MOB3B: variants seen among roughly 807,000 people sequenced by gnomAD.
MOB3B encodes MOB kinase activator 3B.
A neutral mutation model predicts 18.7 loss-of-function variants in MOB3B; 7 were observed. The observed-to-expected ratio is 0.37, with a 90% CI of 0.21 to 0.70. The LOEUF (loss-of-function observed/expected upper bound fraction) is 0.70. Among genes scored for constraint, MOB3B ranks in the 30% least tolerant of loss-of-function variants. The probability of loss-of-function intolerance (pLI) is 0.52; values close to 1 mark genes in which losing one functional copy is unlikely to be tolerated. For synonymous variants in MOB3B, 111 were observed against 99.9 expected (o/e 1.11, Z -0.66); for missense variants, 253 against 281.3 (o/e 0.90, Z 0.72).
intron 1 of MOB3B, among the ~76,000 whole-genome samples, chr9:27,460,870 G>A (rs769331070): frequency 7.9e-5 from 12 of 152,156 alleles, no homozygotes; most frequent in Non-Finnish European, 1.0e-4. Flanking sequence ...AGTGAATTAC[G>A]AACATTTTAC....
intron 1 of MOB3B, among the ~76,000 whole-genome samples, chr9:27,470,389 A>G (rs1819453160): frequency 6.6e-6 from 1 of 152,162 alleles, no homozygotes; most frequent in Non-Finnish European, 1.5e-5. Flanking sequence ...TCGCTTGATC[A>G]ATCGGACAAC....
intron 2 of MOB3B, among the ~76,000 whole-genome samples, chr9:27,378,955 A>T (rs575978657): frequency 3.6e-4 from 55 of 152,240 alleles, no homozygotes; most frequent in African/African-American, 1.3e-3. Context: ...CTCTCTTTCC[A>T]CTGCTCTGTT....
intron 1 of MOB3B, among the ~76,000 whole-genome samples, chr9:27,464,928 T>G (rs900223751): frequency 2.0e-5 from 3 of 152,146 alleles, no homozygotes; most frequent in Non-Finnish European, 4.4e-5. Context: ...TGCCATAGCA[T>G]GTGAGAACTC....
intron 1 of MOB3B, among the ~76,000 whole-genome samples, chr9:27,499,704 A>G (rs1226986080): frequency 6.6e-6 from 1 of 151,964 alleles, no homozygotes; most frequent in East Asian, 1.9e-4. Flanking sequence ...CCATGCAACT[A>G]TCCCACCTTC....
intron 2 of MOB3B, among the ~76,000 whole-genome samples, chr9:27,385,489 A>G (rs1196464579): frequency 3.9e-5 from 6 of 152,050 alleles, no homozygotes; most frequent in African/African-American, 1.4e-4. Context: ...AGGGGTTGAG[A>G]GGGTGGGGTC....
At chr9:27,493,017 A>T (rs1819843916) in intron 1 of MOB3B, among the ~76,000 whole-genome samples, 1 of 152,246 alleles carries the variant, frequency 6.6e-6, no homozygotes, top group African/African-American at 2.4e-5. Flanking sequence ...TAGCAGCCAC[A>T]CTTGGCAAGC....
intron 1 of MOB3B, among the ~76,000 whole-genome samples, chr9:27,504,529 G>A (rs1468089406): frequency 6.6e-6 from 1 of 152,214 alleles, no homozygotes; most frequent in East Asian, 1.9e-4. Context: ...CTGCACATCT[G>A]AGCAGTAGAG....
At chr9:27,442,620 G>C (rs1190020419) in intron 2 of MOB3B, among the ~76,000 whole-genome samples, 1 of 152,196 alleles carries the variant, frequency 6.6e-6, no homozygotes, top group East Asian at 1.9e-4. Flanking sequence ...TTGGCTCCAA[G>C]GGACCTCCCC....
chr9:27,507,132 T>A (rs977447012), intron 1 of MOB3B, among the ~76,000 whole-genome samples: 2 of 152,184 alleles, frequency 1.3e-5, no homozygotes, highest in Non-Finnish European at 2.9e-5. Flanking sequence ...ATTTTTATCA[T>A]TGTGTCTATG....
intron 2 of MOB3B, among the ~76,000 whole-genome samples, chr9:27,361,192 A>T (rs1328206661): frequency 6.6e-6 from 1 of 152,220 alleles, no homozygotes. Flanking sequence ...TGTTTCATAG[A>T]TAAATAGCAC....
intron 1 of MOB3B, among the ~76,000 whole-genome samples, chr9:27,518,499 G>A (rs1820274235): frequency 6.6e-6 from 1 of 152,168 alleles, no homozygotes. Flanking sequence ...GGCTGTTCTG[G>A]TCATCCTAAA....
intron 3 of MOB3B, among the ~76,000 whole-genome samples, chr9:27,347,458 G>A (rs944257426): frequency 1.3e-5 from 2 of 152,246 alleles, no homozygotes; most frequent in African/African-American, 4.8e-5. Context: ...GTGATACTGG[G>A]GTTTGCATAA....
chr9:27,375,245 C>T (rs1821473854), intron 2 of MOB3B, among the ~76,000 whole-genome samples: 4 of 152,210 alleles, frequency 2.6e-5, no homozygotes, highest in Admixed American at 2.6e-4. Context: ...TCTCCCAGCC[C>T]CAGCAAGCAC....
At chr9:27,432,944 T>C (rs991800420) in intron 2 of MOB3B, among the ~76,000 whole-genome samples, 2 of 152,222 alleles carry the variant, frequency 1.3e-5, no homozygotes, top group Admixed American at 6.5e-5. Flanking sequence ...TGGAATTCTC[T>C]ATTCATCTGA....
At chr9:27,358,935 A>T in intron 3 of MOB3B, 99 bp downstream of exon 3, 1 of 1,222,744 alleles carries the variant, frequency 8.2e-7, no homozygotes, top group Non-Finnish European at 1.2e-6. Context: ...GCTAACAGCT[A>T]GCCATCAATG....
intron 3 of MOB3B, among the ~76,000 whole-genome samples, chr9:27,354,082 G>C (rs1028917883): frequency 6.6e-6 from 1 of 152,218 alleles, no homozygotes; most frequent in African/African-American, 2.4e-5. Flanking sequence ...AATGGCATGT[G>C]TTTGCCTGGG....
At chr9:27,345,528 G>T (rs574812291) in intron 3 of MOB3B, among the ~76,000 whole-genome samples, 1 of 152,100 alleles carries the variant, frequency 6.6e-6, no homozygotes, top group South Asian at 2.1e-4. Context: ...CTCTATGCCC[G>T]CCCTGAAACT....
chr9:27,453,342 T>C (rs983563396), intron 2 of MOB3B, among the ~76,000 whole-genome samples: 8 of 152,128 alleles, frequency 5.3e-5, no homozygotes, highest in African/African-American at 1.4e-4. Context: ...TCTCTCAAAA[T>C]ACAAGTATGC....
At chr9:27,480,241 T>C (rs992654433) in intron 1 of MOB3B, among the ~76,000 whole-genome samples, 2 of 151,638 alleles carry the variant, frequency 1.3e-5, no homozygotes, top group African/African-American at 4.8e-5. Flanking sequence ...CTGCAACCTC[T>C]GCCTCCTGCC....
Sources: gnomAD v4.1 joint callset for allele counts (sites outside exome capture counted in the v4.1 genomes callset) on GRCh38, gnomAD v4.1.1 for gene constraint, MANE v1.5 for transcripts, NCBI Gene and HGNC (gene_info 2026-07-23, HGNC 2026-07-21) for gene names.